HRH1: variants seen among roughly 807,000 people sequenced by gnomAD.
HRH1 encodes histamine H1 receptor.
HRH1 carries 6 observed loss-of-function variants against 10.3 expected under a neutral mutation model. That is an observed-to-expected ratio of 0.58 (90% confidence interval 0.32 to 1.15). The LOEUF (loss-of-function observed/expected upper bound fraction) is 1.15. HRH1 is among the 50% of genes most tolerant of loss of function. HRH1 has a pLI of 0.05. For missense variants in HRH1, 514 were observed against 615.3 expected (o/e 0.84, Z 1.74); for synonymous variants, 242 against 236.7 (o/e 1.02, Z -0.21).
chr3:11,150,453 T>C (rs1341714471), upstream of HRH1, among the ~76,000 whole-genome samples: 1 of 152,242 alleles, frequency 6.6e-6, no homozygotes, highest in African/African-American at 2.4e-5. Context: ...GACGGCTGAC[T>C]CCATGATGCG....
At chr3:11,219,950 G>GTTTTTT (rs552227637) in intron 1 of HRH1, among the ~76,000 whole-genome samples, 2 of 110,348 alleles carry the variant, frequency 1.8e-5, no homozygotes, top group African/African-American at 3.6e-5. Flanking sequence ...TTAATGTGTT[G>GTTTTTT]TTTTTTTTTT....
intron 1 of HRH1, among the ~76,000 whole-genome samples, chr3:11,233,492 T>C (rs1181312629): frequency 6.6e-6 from 1 of 152,196 alleles, no homozygotes; most frequent in Non-Finnish European, 1.5e-5. Flanking sequence ...CCTCTCTTGC[T>C]GCTACTCTGG....
chr3:11,258,846 G>A (rs975944491), intron 1 of HRH1, among the ~76,000 whole-genome samples, 157 bp from the exon 2 acceptor site: 1 of 152,168 alleles, frequency 6.6e-6, no homozygotes, highest in Non-Finnish European at 1.5e-5. Context: ...GCAAATGAAT[G>A]CATGAATAAG....
At chr3:11,241,401 T>G (rs932883780) in intron 1 of HRH1, among the ~76,000 whole-genome samples, 2 of 152,172 alleles carry the variant, frequency 1.3e-5, no homozygotes, top group Admixed American at 1.3e-4. Flanking sequence ...TGAAGCCAGC[T>G]GGACTCCCTG....
At chr3:11,249,151 C>T (rs894803993) in intron 1 of HRH1, among the ~76,000 whole-genome samples, 3 of 152,078 alleles carry the variant, frequency 2.0e-5, no homozygotes, top group Admixed American at 1.3e-4. Flanking sequence ...AATCCCAGCA[C>T]TTTGGGAGGC....
intron 1 of HRH1, among the ~76,000 whole-genome samples, chr3:11,250,863 G>A (rs1939631370): frequency 6.6e-6 from 1 of 152,154 alleles, no homozygotes; most frequent in South Asian, 2.1e-4. Flanking sequence ...TGGTTTTTCT[G>A]CGCACTCTGA....
chr3:11,227,286 C>CTT (rs111275947), intron 1 of HRH1, among the ~76,000 whole-genome samples: 4 of 142,990 alleles, frequency 2.8e-5, no homozygotes, highest in East Asian at 2.0e-4. Context: ...TGATTAAGAT[C>CTT]TTTTTTTTTT....
chr3:11,196,238 C>T (rs1028320698), intron 1 of HRH1, among the ~76,000 whole-genome samples: 54 of 152,346 alleles, frequency 3.5e-4, no homozygotes, highest in Admixed American at 3.9e-4. Flanking sequence ...GCGCAGCAGC[C>T]TCACTGCAGT....
At chr3:11,226,452 T>C (rs1938884025) in intron 1 of HRH1, 1 of 152,250 alleles carries the variant, frequency 6.6e-6, no homozygotes, top group Non-Finnish European at 1.5e-5. Context: ...GAGCAGGTGA[T>C]GCTGTAGCTG....
At chr3:11,204,042 A>G (rs1938028450) in intron 1 of HRH1, among the ~76,000 whole-genome samples, 1 of 152,222 alleles carries the variant, frequency 6.6e-6, no homozygotes, top group Admixed American at 6.5e-5. Flanking sequence ...GAATGGGAGA[A>G]TAGGTATCTC....
At chr3:11,160,141 A>G (rs1936895995) in intron 1 of HRH1, among the ~76,000 whole-genome samples, 1 of 152,194 alleles carries the variant, frequency 6.6e-6, no homozygotes, top group African/African-American at 2.4e-5. Flanking sequence ...GTCAGATTCC[A>G]TTGACCATTC....
At chr3:11,174,457 T>TCTGGGGTC (rs1332776254) in intron 1 of HRH1, among the ~76,000 whole-genome samples, 1 of 152,200 alleles carries the variant, frequency 6.6e-6, no homozygotes, top group Non-Finnish European at 1.5e-5. Flanking sequence ...TCAAAGTCTT[T>TCTGGGGTC]CTGGGGTCTC....
intron 1 of HRH1, among the ~76,000 whole-genome samples, chr3:11,201,826 C>T (rs1056843974): frequency 6.6e-6 from 1 of 152,196 alleles, no homozygotes; most frequent in Non-Finnish European, 1.5e-5. Context: ...CCTTGCCCCT[C>T]TCTGTGAAGT....
chr3:11,188,743 A>G (rs1379607727), intron 1 of HRH1, among the ~76,000 whole-genome samples: 1 of 152,194 alleles, frequency 6.6e-6, no homozygotes, highest in African/African-American at 2.4e-5. Context: ...GTTCTTGAAA[A>G]ATATATGATG....
Position 11,262,408 on chromosome 3 carries a change from C to T in HRH1, c.*1907C>T. The T allele has an allele frequency of 6.0e-6, 1 of 167,218 alleles. No individual in the cohort carries two copies. 10.4% of individuals were successfully genotyped at this position (167,218 alleles called of 1,614,324 possible). On this transcript the variant is annotated 3_prime_UTR_variant, in exon 2 of 2. Coordinates refer to ENST00000431010, the MANE Select transcript of HRH1 (RefSeq NM_001098212.2). Reference sequence around the variant, plus strand: ...GATATGGGCTTTCTCTTTGGTTTCTCATCACATTTGTAAATGTCTTTTCAA... The same window carrying T: ...GATATGGGCTTTCTCTTTGGTTTCTTATCACATTTGTAAATGTCTTTTCAA...
At chr3:11,210,890 A>T (rs1430825859) in intron 1 of HRH1, among the ~76,000 whole-genome samples, 1 of 152,136 alleles carries the variant, frequency 6.6e-6, no homozygotes, top group Non-Finnish European at 1.5e-5. Flanking sequence ...TCATGCAGTT[A>T]GACATGACTC....
chr3:11,209,592 T>C (rs1286492344), intron 1 of HRH1, among the ~76,000 whole-genome samples: 2 of 152,254 alleles, frequency 1.3e-5, no homozygotes, highest in Non-Finnish European at 2.9e-5. Flanking sequence ...TATAACAAAA[T>C]GTCATGGACT....
chr3:11,229,985 G>C (rs1006309500), intron 1 of HRH1, among the ~76,000 whole-genome samples: 3 of 152,128 alleles, frequency 2.0e-5, no homozygotes, highest in East Asian at 3.9e-4. Context: ...GACTAGAGGG[G>C]GTGAGATTGG....
chr3:11,242,582 ACCAACT>A (rs1156959349), intron 1 of HRH1, among the ~76,000 whole-genome samples: 8 of 151,156 alleles, frequency 5.3e-5, no homozygotes, highest in Admixed American at 5.3e-4. Flanking sequence ...GCCGGAAGGA[ACCAACT>A]CCGGACACAC....
Sources: gnomAD v4.1 joint callset for allele counts (sites outside exome capture counted in the v4.1 genomes callset) on GRCh38, gnomAD v4.1.1 for gene constraint, MANE v1.5 for transcripts, NCBI Gene and HGNC (gene_info 2026-07-23, HGNC 2026-07-21) for gene names.